The following FCHSD1 variants were observed in gnomAD, a reference collection of about 807,000 sequenced individuals.
The protein encoded by FCHSD1 is FCH and double SH3 domains 1, also known as F-BAR and double SH3 domains protein 1.
A neutral mutation model predicts 101.3 loss-of-function variants in FCHSD1; 109 were observed. The observed-to-expected ratio is 1.08, with a 90% CI of 0.92 to 1.26. The LOEUF (loss-of-function observed/expected upper bound fraction) is 1.26, where lower values mean the gene tolerates loss of function less well. FCHSD1 is among the 50% of genes most tolerant of loss of function. The pLI, the probability that FCHSD1 is intolerant of heterozygous loss-of-function variation, is 0.00. For missense variants in FCHSD1, 820 were observed against 895.8 expected (o/e 0.92, Z 1.08); for synonymous variants, 291 against 356.8 (o/e 0.82, Z 2.08).
chr5:141,645,280 ACACAAC>A, intron 13 of FCHSD1, 132 bp from the exon 14 acceptor site: 1 of 1,266,222 alleles, frequency 7.9e-7, no homozygotes, highest in Non-Finnish European at 1.1e-6. Flanking sequence ...CTCACCATGT[ACACAAC>A]CACAGTCACC....
rs1223788273 is a variant in FCHSD1, at chr5:141,651,078, G to T, written c.61C>A (p.Gln21Lys). 6.3e-6 allele frequency: 10 copies of T among 1,598,100 alleles called. No individual in the cohort carries two copies. The highest frequency in any genetic ancestry group is 7.7e-6 in the Non-Finnish European group (9 of 1,172,112). ...AQEVKLRFLEQLSILQTWQQR... is the reference protein window; with the variant it reads ...AQEVKLRFLEKLSILQTWQQR... The stretch of plus-strand genomic sequence containing the variant: ...TGCCAGGTCTGAAGGATGCTCAGCT[G>T]TTCCAGGAAGCGAAGCTTCACCTCC... The change falls in exon 2 of 20, where the codon CAG becomes AAG. Residue 21 changes from glutamine to lysine, a missense_variant. Physicochemically the swap from Gln to Lys is moderately conservative, Grantham distance 53. Transcript: ENST00000435817.
chr5:141,649,247 C>T lies in FCHSD1; in HGVS notation c.437G>A (p.Arg146Gln), dbSNP rs200855332. The T allele has an allele frequency of 1.6e-4, 252 of 1,613,898 alleles. No individual in the cohort carries two copies. In the Middle Eastern group the frequency reaches 1.6e-3, roughly 11 times the overall value. ...EVLQSVRELS[R>Q]SRKLYGQRER... is the part of the protein sequence containing the mutation. Reference sequence around the variant, plus strand: ...CCGCTGCCCATACAGCTTCCGACTTCGGCTCAGCTCCCGGACAGACTGCAG... The same window carrying T: ...CCGCTGCCCATACAGCTTCCGACTTTGGCTCAGCTCCCGGACAGACTGCAG... Residue 146 changes from arginine (R) to glutamine (Q), a missense_variant, in exon 6 of 20, where the codon CGA becomes CAA. Physicochemically the swap from Arg to Gln is conservative, Grantham distance 43. Transcript: ENST00000435817. This position sits in a 1 kb window ranked among gnomAD's most constrained non-coding sequence, Gnocchi z 4.1.
chr5:141,645,954 TTA>T (rs1562388342), intron 12 of FCHSD1, 22 bp from the exon 13 acceptor site: 3 of 1,554,044 alleles, frequency 1.9e-6, no homozygotes, highest in East Asian at 4.8e-5. Flanking sequence ...AGGAAGTAAG[TTA>T]GTGGAACCTG....
At chr5:141,642,267 C>T in intron 18 of FCHSD1, 1 of 561,872 alleles carries the variant, frequency 1.8e-6, no homozygotes, top group East Asian at 3.1e-5. Context: ...CCAAATATTG[C>T]ATGTTCTCAC....
intron 1 of FCHSD1, 85 bp from the exon 2 acceptor site, chr5:141,651,202 G>T (rs919331724): frequency 6.7e-7 from 1 of 1,487,534 alleles, no homozygotes; most frequent in Non-Finnish European, 9.2e-7. Context: ...GGCGGGGCCG[G>T]GGGGGTGCTG....
intron 17 of FCHSD1, among the ~76,000 whole-genome samples, chr5:141,643,848 C>CAAAA (rs56206715): frequency 8.0e-6 from 1 of 125,056 alleles, no homozygotes; most frequent in Non-Finnish European, 1.7e-5. Context: ...AACTCTGTCT[C>CAAAA]AAAAAAAAAA....
chr5:141,650,025 A>G, intron 3 of FCHSD1, 71 bp from the exon 4 acceptor site: 1 of 1,434,974 alleles, frequency 7.0e-7, no homozygotes, highest in Non-Finnish European at 9.4e-7. Flanking sequence ...ATATGACATC[A>G]GAGTATAATC....
Position 141,646,362 on chromosome 5 carries a change from A to T in FCHSD1, c.1045-171T>A, listed in dbSNP as rs7711960. On this transcript the variant is annotated intron_variant, in intron 11 of 19. Transcript: ENST00000435817. ...GTGATGAGGAAATTGAAGTCCAGAG[A>T]GGTTAAGTCACTCCCTTACCTGGGG... is the stretch of plus-strand genomic sequence containing the variant. The T allele has an allele frequency of 4.4e-6, 4 of 899,704 alleles. No individual in the cohort carries two copies. The African/African-American group carries it at 4.9e-5, about 11-fold the overall frequency. The allele number at this position is 899,704 out of a possible 1,614,324, so 55.7% of individuals were successfully genotyped here. A position where few individuals can be genotyped will look rare whatever the true frequency, so the allele number is the denominator to read the frequency against.
At chr5:141,646,772 C>A in intron 10 of FCHSD1, 50 bp from the exon 11 acceptor site, 2 of 1,583,778 alleles carry the variant, frequency 1.3e-6, no homozygotes, top group South Asian at 1.1e-5. Flanking sequence ...TGCTCCTTCT[C>A]TCCAGTTCCC....
In FCHSD1 at chr5:141,645,132, A is replaced by G. The variant is rs1022250786; in HGVS notation, c.1328T>C (p.Leu443Pro). 2 of 1,556,284 alleles carry G rather than the reference A, an allele frequency of 1.3e-6. No individual in the cohort carries two copies. The highest frequency in any genetic ancestry group is 1.7e-4 in the Middle Eastern group (1 of 5,760). Residue 443 changes from leucine to proline, a missense_variant, in exon 14 of 20, where the codon CTT becomes CCT. Coordinates refer to ENST00000435817, the MANE Select transcript of FCHSD1 (RefSeq NM_033449.3). ...DLSPTAEDAE[L>P]SDFEECEETG... ...CTCCTCACATTCCTCAAAGTCAGAAAGCTCAGCATCCTCAGCCTAGAGGGG... is the reference window on the plus strand; with the variant it reads ...CTCCTCACATTCCTCAAAGTCAGAAGGCTCAGCATCCTCAGCCTAGAGGGG...
At chr5:141,651,169 C>G in intron 1 of FCHSD1, 52 bp from the exon 2 acceptor site, 3 of 1,539,806 alleles carry the variant, frequency 1.9e-6, no homozygotes, top group Middle Eastern at 1.7e-4. Context: ...CTAAAAAACA[C>G]TCCGCGCAGG....
intron 17 of FCHSD1, among the ~76,000 whole-genome samples, 197 bp downstream of exon 17, chr5:141,644,021 T>G (rs1366565140): frequency 6.6e-6 from 1 of 152,166 alleles, no homozygotes; most frequent in Non-Finnish European, 1.5e-5. Context: ...AGCACTAAAG[T>G]AGGACCCCCC....
Position 141,649,997 on chromosome 5 carries a change from C to T in FCHSD1, c.166-43G>A. 1 of 1,508,318 alleles carries T rather than the reference C, an allele frequency of 6.6e-7. No homozygotes were observed. The highest frequency in any genetic ancestry group is 2.5e-5 in the East Asian group (1 of 40,576). 93.4% of individuals were successfully genotyped at this position (1,508,318 alleles called of 1,614,324 possible). ...ACAGAACCAAGTTCCCTTTCAAAGACCCACCCCAACTGGCAGAATATGACA... is the reference window on the plus strand; with the variant it reads ...ACAGAACCAAGTTCCCTTTCAAAGATCCACCCCAACTGGCAGAATATGACA... On this transcript the variant is annotated intron_variant, in intron 3 of 19. Transcript: ENST00000435817. This position sits in a 1 kb window ranked among gnomAD's most constrained non-coding sequence, Gnocchi z 4.1.
Position 141,647,343 on chromosome 5 carries a change from G to C in FCHSD1, c.828+55C>G, listed in dbSNP as rs2099907785. The stretch of plus-strand genomic sequence containing the variant: ...GTGTGAAGCAAAGAGGGCTGCATTG[G>C]GAGGGAAGGGTAAAAAGGATCCCCG... On this transcript the variant is annotated intron_variant, in intron 9 of 19. Coordinates refer to ENST00000435817, the MANE Select transcript of FCHSD1 (RefSeq NM_033449.3). 11 of 1,572,474 alleles carry C rather than the reference G, an allele frequency of 7.0e-6. No homozygotes were observed. The East Asian group carries it at 2.5e-4, about 36-fold the overall frequency.
chr5:141,648,501 T>C (rs1397710774), intron 7 of FCHSD1, among the ~76,000 whole-genome samples: 12 of 152,210 alleles, frequency 7.9e-5, no homozygotes, highest in African/African-American at 2.9e-4. Context: ...CCCTAGATCT[T>C]TGCAAGGCCA....
Position 141,647,983 on chromosome 5 carries a change from C to T in FCHSD1, c.690G>A (p.Leu230=), listed in dbSNP as rs1246225031. ...AHLDHYYQEE[L]PALLKALVSE... Reference sequence around the variant, plus strand: ...TAAAACTGGCCTTGAGCAGAGCTGGCAGTTCCTCCTGGTAGTAATGGTCGA... The same window carrying T: ...TAAAACTGGCCTTGAGCAGAGCTGGTAGTTCCTCCTGGTAGTAATGGTCGA... Residue 230 remains leucine, a synonymous_variant, in exon 8 of 20, where the codon CTG becomes CTA. Transcript: ENST00000435817. 6.2e-7 allele frequency: 1 copy of T among 1,613,148 alleles called. No individual in the cohort carries two copies. Among genetic ancestry groups the T allele is most frequent in the Admixed American group, 1.7e-5 (1 of 59,910 alleles).
chr5:141,647,289 C>G (rs528121221), intron 9 of FCHSD1, 59 bp from the exon 10 acceptor site: 3 of 1,565,430 alleles, frequency 1.9e-6, no homozygotes, highest in East Asian at 4.7e-5. Flanking sequence ...AACCCTGTCC[C>G]TAGCACTTCT....
In FCHSD1 at chr5:141,646,095, G is replaced by T. The variant is rs774457692; in HGVS notation, c.1141C>A (p.Arg381=). The change falls in exon 12 of 20, where the codon CGG becomes AGG. Residue 381 remains arginine, a synonymous_variant. Transcript: ENST00000435817. ...TCAGGGGTGTGCCTCACCTGTGCCC[G>T]GCGGATGCTCTCTCGCACTTCCTGT... is the stretch of plus-strand genomic sequence containing the variant. ...RLQEVRESIR[R]AQVSQVKGAA... is the part of the protein sequence containing the mutation. The T allele has an allele frequency of 6.2e-7, 1 of 1,609,718 alleles. No homozygotes were observed. The highest frequency in any genetic ancestry group is 1.1e-5 in the South Asian group (1 of 90,318).
In FCHSD1 at chr5:141,648,011, T is replaced by A; in HGVS notation, c.662A>T (p.His221Leu). 1 of 1,613,296 alleles carries A rather than the reference T, an allele frequency of 6.2e-7. No homozygotes were observed. Residue 221 changes from histidine (H) to leucine (L), a missense_variant, in exon 8 of 20, where the codon CAC (histidine) becomes CTC (leucine). His to Leu is a moderately conservative substitution (Grantham distance 99). Transcript: ENST00000435817. ...YLLNLVATNA[H>L]LDHYYQEELP... is the part of the protein sequence containing the mutation. ...TTCCTCCTGGTAGTAATGGTCGAGG[T>A]GGGCATTGGTAGCCACCAAGTTAAG...
Sources: allele counts gnomAD v4.1 joint callset (sites outside exome capture counted in the v4.1 genomes callset), GRCh38; gene constraint gnomAD v4.1.1; non-coding constraint Gnocchi (gnomAD v3.1); transcripts MANE v1.5; gene names NCBI Gene and HGNC (gene_info 2026-07-23, HGNC 2026-07-21).